FBXW10: variants seen among roughly 807,000 people sequenced by gnomAD.
The protein encoded by FBXW10 is F-box and WD repeat domain containing 10, also known as F-box/WD repeat-containing protein 10.
A neutral mutation model predicts 113.1 loss-of-function variants in FBXW10; 68 were observed. The observed-to-expected ratio is 0.60, with a 90% CI of 0.49 to 0.74. FBXW10 has a LOEUF of 0.74. Ranked by LOEUF, FBXW10 falls within the 30% of genes least tolerant of loss-of-function variation. FBXW10 has a pLI of 0.00. For synonymous variants in FBXW10, 289 were observed against 481.6 expected (o/e 0.60, Z 5.24); for missense variants, 753 against 1,284.5 (o/e 0.59, Z 6.32).
At chr17:18,760,498 T>C (rs2035357841) in intron 7 of FBXW10, among the ~76,000 whole-genome samples, 1 of 152,258 alleles carries the variant, frequency 6.6e-6, no homozygotes, top group Non-Finnish European at 1.5e-5. Context: ...ACATGAATTT[T>C]GTTGAACAAA....
intron 11 of FBXW10, among the ~76,000 whole-genome samples, chr17:18,771,982 C>T (rs1441962472): frequency 6.6e-6 from 1 of 152,116 alleles, no homozygotes; most frequent in East Asian, 1.9e-4. Flanking sequence ...TGGTGCGTAC[C>T]TGTAATCCCA....
At chr17:18,760,243 C>T (rs1266497821) in intron 7 of FBXW10, among the ~76,000 whole-genome samples, 1 of 152,114 alleles carries the variant, frequency 6.6e-6, no homozygotes, top group South Asian at 2.1e-4. Context: ...AGTTGAACAC[C>T]TTTTCATATG....
chr17:18,744,531 A>C lies in FBXW10; in HGVS notation c.287A>C (p.Lys96Thr). ...AACAGGTCCCGGATCAACCTCAGCA[A>C]GAAAGAGGGGAAAGTTGTGAAGTCC... ...IYNRSRINLSKKEGKVVKSSL... is the reference protein window; with the variant it reads ...IYNRSRINLSTKEGKVVKSSL... The change falls in exon 1 of 14, where the codon AAG (lysine) becomes ACG (threonine). Residue 96 changes from lysine (K) to threonine (T), a missense_variant. Transcript: ENST00000395665. 3 of 1,613,922 alleles carry C rather than the reference A, an allele frequency of 1.9e-6. No individual in the cohort carries two copies. The highest frequency in any genetic ancestry group is 2.5e-6 in the Non-Finnish European group (3 of 1,179,880).
Position 18,747,923 on chromosome 17 carries a change from T to G in FBXW10, c.506-18T>G. 1 of 1,613,874 alleles carries G rather than the reference T, an allele frequency of 6.2e-7. No homozygotes were observed. The highest frequency in any genetic ancestry group is 2.2e-5 in the East Asian group (1 of 44,862). Reference sequence around the variant, plus strand: ...ACCCGCTTCAAGAGCAACCTTGTCTTGGTCTTCTGTGTTTCAGGGCTCAAT... The same window carrying G: ...ACCCGCTTCAAGAGCAACCTTGTCTGGGTCTTCTGTGTTTCAGGGCTCAAT... On this transcript the variant is annotated intron_variant, in intron 1 of 13. Coordinates refer to ENST00000395665, the MANE Select transcript of FBXW10 (RefSeq NM_001267585.2).
chr17:18,760,088 G>T (rs1479597163), intron 7 of FBXW10, among the ~76,000 whole-genome samples: 1 of 152,088 alleles, frequency 6.6e-6, no homozygotes, highest in Non-Finnish European at 1.5e-5. Flanking sequence ...ATTCCCATTA[G>T]CAGCATATGA....
intron 4 of FBXW10, among the ~76,000 whole-genome samples, chr17:18,750,433 T>C (rs1166776437): frequency 6.6e-6 from 1 of 151,558 alleles, no homozygotes; most frequent in Admixed American, 6.6e-5. Flanking sequence ...CAGGGAGTTA[T>C]ATTGCAGCTT....
intron 11 of FBXW10, among the ~76,000 whole-genome samples, chr17:18,771,623 AAGG>A (rs2035614514): frequency 6.6e-6 from 1 of 152,144 alleles, no homozygotes; most frequent in East Asian, 1.9e-4. Context: ...AGGGTCTATG[AAGG>A]AGAAGAGGCC....
rs760542102 is a variant in FBXW10, at chr17:18,779,247, G to T, written c.3108G>T (p.Thr1036=). The change falls in exon 14 of 14, where the codon ACG becomes ACT. Residue 1036 remains threonine, a synonymous_variant. Coordinates refer to ENST00000395665, the MANE Select transcript of FBXW10 (RefSeq NM_001267585.2). ...AAGGCCTGCCTATTGATAATTTCAC[G>T]AAGCAAGGGAAAACAGCGGCCCCTG... ...KIKGLPIDNF[T]KQGKTAAPEL... is the part of the protein sequence containing the mutation. 47 of 1,308,406 alleles carry T rather than the reference G, an allele frequency of 3.6e-5. 11 individuals are homozygous for T. The highest frequency in any genetic ancestry group is 4.8e-5 in the Non-Finnish European group (45 of 930,650). 81.0% of individuals were successfully genotyped at this position (1,308,406 alleles called of 1,614,324 possible).
Position 18,778,592 on chromosome 17 carries a change from C to G in FBXW10, c.2453C>G (p.Thr818Ser). The G allele has an allele frequency of 6.8e-6, 11 of 1,613,996 alleles. No homozygotes were observed. The highest frequency in any genetic ancestry group is 8.5e-6 in the Non-Finnish European group (10 of 1,179,876). The change falls in exon 14 of 14, where the codon ACT (threonine) becomes AGT (serine). Residue 818 changes from threonine (T) to serine (S), a missense_variant. Thr to Ser is a moderately conservative substitution (Grantham distance 58). Transcript: ENST00000395665. ...IPMSPDQFLL[T>S]VSALQHAHNS... ...ATGTCACCTGACCAATTCCTCCTGA[C>G]TGTTAGCGCCCTGCAGCACGCCCAT...
At chr17:18,770,269 A>C (rs1226112168) in intron 11 of FBXW10, among the ~76,000 whole-genome samples, 184 bp downstream of exon 11, 1 of 150,662 alleles carries the variant, frequency 6.6e-6, no homozygotes, top group African/African-American at 2.4e-5. Context: ...TTTGCACAAA[A>C]CTTAGTAATC....
intron 5 of FBXW10, among the ~76,000 whole-genome samples, chr17:18,754,121 T>C (rs1272985644): frequency 2.0e-5 from 3 of 151,830 alleles, no homozygotes; most frequent in Non-Finnish European, 4.4e-5. Flanking sequence ...TCCCAGTTTA[T>C]GGATGTGGAA....
intron 4 of FBXW10, 89 bp from the exon 5 acceptor site, chr17:18,750,842 C>T: frequency 6.9e-7 from 1 of 1,458,458 alleles, no homozygotes; most frequent in Non-Finnish European, 9.2e-7. Context: ...TTGCCAAGAA[C>T]TAGTTTTTCC....
intron 1 of FBXW10, among the ~76,000 whole-genome samples, chr17:18,746,724 C>T (rs193157889): frequency 1.3e-3 from 201 of 152,276 alleles, no homozygotes; most frequent in African/African-American, 4.6e-3. Context: ...TCACCCACCA[C>T]GTGGGCTGAA....
chr17:18,769,946 C>T lies in FBXW10; in HGVS notation c.1867C>T (p.Leu623Phe). ...KHPKEVLDVS[L>F]LFLRVISACA... Reference sequence around the variant, plus strand: ...TTCCAGGGAGGTGCTCGACGTGTCCCTTCTCTTCCTCCGGGTCATCAGCGC... The same window carrying T: ...TTCCAGGGAGGTGCTCGACGTGTCCTTTCTCTTCCTCCGGGTCATCAGCGC... The change falls in exon 11 of 14, where the codon CTT (leucine) becomes TTT (phenylalanine). Residue 623 changes from leucine (L) to phenylalanine (F), a missense_variant. Leu to Phe is a conservative substitution (Grantham distance 22). Coordinates refer to ENST00000395665, the MANE Select transcript of FBXW10 (RefSeq NM_001267585.2). 1 of 1,614,154 alleles carries T rather than the reference C, an allele frequency of 6.2e-7. No individual in the cohort carries two copies. The highest frequency in any genetic ancestry group is 8.5e-7 in the Non-Finnish European group (1 of 1,180,030).
Position 18,772,548 on chromosome 17 carries a change from A to G in FBXW10, c.2143A>G (p.Ile715Val). 2 of 1,614,176 alleles carry G rather than the reference A, an allele frequency of 1.2e-6. No individual in the cohort carries two copies. Among genetic ancestry groups the G allele is most frequent in the Non-Finnish European group, 1.7e-6 (2 of 1,179,994 alleles). The change falls in exon 12 of 14, where the codon ATT becomes GTT. Residue 715 changes from isoleucine to valine, a missense_variant. Physicochemically the swap from Ile to Val is conservative, Grantham distance 29 (BLOSUM62 3). Transcript: ENST00000395665. Reference sequence around the variant, plus strand: ...AAAAGAAGAAAATAGTCTCATGGAAATTCTCTCTAAGTGTAATATTCAGGT... The same window carrying G: ...AAAAGAAGAAAATAGTCTCATGGAAGTTCTCTCTAAGTGTAATATTCAGGT... ...EEKEENSLME[I>V]LSKCNIQVHS... is the part of the protein sequence containing the mutation.
chr17:18,775,352 A>G (rs1194120872), intron 13 of FBXW10, among the ~76,000 whole-genome samples, 160 bp downstream of exon 13: 1 of 152,184 alleles, frequency 6.6e-6, no homozygotes, highest in African/African-American at 2.4e-5. Context: ...CTAGTTTCGT[A>G]TTGTTTTCCA....
chr17:18,770,794 G>A (rs901615883), intron 11 of FBXW10, among the ~76,000 whole-genome samples: 1 of 152,102 alleles, frequency 6.6e-6, no homozygotes, highest in African/African-American at 2.4e-5. Context: ...ATAGGAGAGT[G>A]GAGGGTGGCA....
chr17:18,778,460 T>C lies in FBXW10; in HGVS notation c.2336-15T>C, dbSNP rs758706531. 1,003 of 1,591,114 alleles carry C rather than the reference T, an allele frequency of 6.3e-4. 1 individual carries two copies. The highest frequency in any genetic ancestry group is 8.3e-4 in the Non-Finnish European group (967 of 1,171,834). On this transcript the variant is annotated splice_polypyrimidine_tract_variant and intron_variant, in intron 13 of 13. Transcript: ENST00000395665. ...AGAACGCCGATTTTTTAAAATTTTCTTTTTTTTGAAAAAGCAGATGATGTG... is the reference window on the plus strand; with the variant it reads ...AGAACGCCGATTTTTTAAAATTTTCCTTTTTTTGAAAAAGCAGATGATGTG...
chr17:18,744,696 C>T lies in FBXW10; in HGVS notation c.452C>T (p.Thr151Ile), dbSNP rs1260872215. The T allele has an allele frequency of 5.0e-6, 8 of 1,613,948 alleles. No individual in the cohort carries two copies. In the South Asian group the frequency reaches 7.7e-5, roughly 16 times the overall value. ...ATGTGCAACCCCAAATTACTGCTCA[C>T]TGCTGCCAATGTGATCAGAGTCCTG... ...LQMCNPKLLL[T>I]AANVIRVLFL... The change falls in exon 1 of 14, where the codon ACT (threonine) becomes ATT (isoleucine). Residue 151 changes from threonine (T) to isoleucine (I), a missense_variant. By Grantham distance (89) the Thr-to-Ile change is moderately conservative (BLOSUM62 -1). Coordinates refer to ENST00000395665, the MANE Select transcript of FBXW10 (RefSeq NM_001267585.2).
Sources: allele counts gnomAD v4.1 joint callset (sites outside exome capture counted in the v4.1 genomes callset), GRCh38; gene constraint gnomAD v4.1.1; transcripts MANE v1.5; gene names NCBI Gene and HGNC (gene_info 2026-07-23, HGNC 2026-07-21).